The following CDH13 variants were observed in gnomAD, a reference collection of about 807,000 sequenced individuals.
CDH13 encodes the protein cadherin 13.
CDH13 carries 24 observed loss-of-function variants against 63.8 expected under a neutral mutation model. The observed-to-expected ratio is 0.38, with a 90% confidence interval of 0.27 to 0.53. The LOEUF (loss-of-function observed/expected upper bound fraction) is 0.53. Ranked by LOEUF, CDH13 falls within the 20% of genes least tolerant of loss-of-function variation. The pLI, the probability that CDH13 is intolerant of heterozygous loss-of-function variation, is 0.85. For missense variants in CDH13, 1,049 were observed against 903.1 expected, an observed-to-expected ratio of 1.16 and a Z score of -2.07; for synonymous variants, 503 against 355.3, an observed-to-expected ratio of 1.42 and a Z score of -4.67.
At chr16:83,450,385 C>T (rs148202428) in intron 6 of CDH13, among the ~76,000 whole-genome samples, 1 of 152,148 alleles carries the variant, frequency 6.6e-6, no homozygotes, top group Non-Finnish European at 1.5e-5. Flanking sequence ...ACTCTGTTTG[C>T]TCCTCTGAAA....
chr16:82,837,272 T>C (rs1567585341), intron 1 of CDH13, among the ~76,000 whole-genome samples: 1 of 152,120 alleles, frequency 6.6e-6, no homozygotes, highest in Admixed American at 6.5e-5. Flanking sequence ...GTGGTGAGCA[T>C]GGGGAGAGCT....
In CDH13 at chr16:82,861,078, C is replaced by T. The variant is rs144799674; in HGVS notation, c.157+2605C>T. Among the ~76,000 whole-genome samples, 12 of 152,190 alleles carry T rather than the reference C, an allele frequency of 7.9e-5. No homozygotes were observed. In the South Asian group the frequency reaches 1.0e-3, roughly 13 times the overall value. ...CACAAGGCTAAATCTGAATGAAAAA[C>T]GAAAAGAACCAAACAGAACCAGAAA... On this transcript the variant is annotated intron_variant, in intron 2 of 13. Coordinates refer to ENST00000567109, the MANE Select transcript of CDH13 (RefSeq NM_001257.5).
At chr16:82,693,978 G>A (rs1017617925) in intron 1 of CDH13, among the ~76,000 whole-genome samples, 9 of 152,244 alleles carry the variant, frequency 5.9e-5, no homozygotes, top group East Asian at 1.9e-4. Flanking sequence ...TATTTGCTGC[G>A]TACATGGTCC....
chr16:83,117,509 C>T (rs1404858337), intron 3 of CDH13, among the ~76,000 whole-genome samples: 1 of 152,042 alleles, frequency 6.6e-6, no homozygotes, highest in Non-Finnish European at 1.5e-5. Context: ...TCTCTTGAGC[C>T]ATATGTGTTC....
chr16:83,394,683 A>T (rs1254447677), intron 6 of CDH13, among the ~76,000 whole-genome samples: 3 of 152,288 alleles, frequency 2.0e-5, no homozygotes, highest in South Asian at 4.1e-4. Context: ...GAAGAGATCA[A>T]AGTGGATGAG....
At chr16:83,279,139 G>A (rs950697124) in intron 5 of CDH13, among the ~76,000 whole-genome samples, 1 of 151,732 alleles carries the variant, frequency 6.6e-6, no homozygotes, top group Non-Finnish European at 1.5e-5. Flanking sequence ...TTAGTCACAG[G>A]AAATAGTTTT....
At position 83,079,956 on chromosome 16, in the gene CDH13, T is replaced by C. The variant is rs566591295; in HGVS notation, c.367-45429T>C. 4.3e-4 allele frequency among the ~76,000 whole-genome samples: 65 copies of C among 152,334 alleles called. 1 individual carries two copies. The highest frequency in any genetic ancestry group is 1.5e-3 in the African/African-American group (61 of 41,562). Reference sequence around the variant, plus strand: ...AACTGGATAAAGTTGAGTCGCACATTTCAGTAGCTAGAATGCTTTTTAAAA... The same window carrying C: ...AACTGGATAAAGTTGAGTCGCACATCTCAGTAGCTAGAATGCTTTTTAAAA... On this transcript the variant is annotated intron_variant, in intron 3 of 13. Transcript: ENST00000567109.
intron 10 of CDH13, among the ~76,000 whole-genome samples, chr16:83,707,925 C>G (rs7190023): frequency 0.34 from 50,652 of 150,536 alleles, 8,746 homozygotes; most frequent in Non-Finnish European, 0.36. Context: ...CCTAATGACA[C>G]CTTCTCTTTG....
chr16:83,299,707 C>G (rs1166213988), intron 5 of CDH13, among the ~76,000 whole-genome samples: 1 of 152,204 alleles, frequency 6.6e-6, no homozygotes, highest in Non-Finnish European at 1.5e-5. Context: ...AAAAGGCTAA[C>G]TTGGAAAATG....
At chr16:83,596,676 C>G (rs1182746784) in intron 7 of CDH13, among the ~76,000 whole-genome samples, 1 of 152,088 alleles carries the variant, frequency 6.6e-6, no homozygotes, top group Non-Finnish European at 1.5e-5. Flanking sequence ...CTGGAAAAGG[C>G]TCTGAGGATC....
At chr16:82,940,309 C>A (rs1293921515) in intron 2 of CDH13, among the ~76,000 whole-genome samples, 1 of 152,102 alleles carries the variant, frequency 6.6e-6, no homozygotes, top group Non-Finnish European at 1.5e-5. Context: ...CTCAGTTTTT[C>A]CACCTGTAAA....
At chr16:83,791,118 G>C (rs1027128334) in intron 13 of CDH13, among the ~76,000 whole-genome samples, 1 of 151,714 alleles carries the variant, frequency 6.6e-6, no homozygotes, top group Admixed American at 6.6e-5. Flanking sequence ...GGGAGTTTGA[G>C]ACCAGCCTAG....
At chr16:83,339,217 A>G (rs894339492) in intron 5 of CDH13, among the ~76,000 whole-genome samples, 2 of 152,190 alleles carry the variant, frequency 1.3e-5, no homozygotes, top group African/African-American at 2.4e-5. Flanking sequence ...TTTGAGGAAG[A>G]GAATGACTCA....
intron 5 of CDH13, among the ~76,000 whole-genome samples, chr16:83,332,067 A>G (rs544848036): frequency 6.3e-4 from 96 of 152,280 alleles, no homozygotes; most frequent in Non-Finnish European, 1.2e-3. Flanking sequence ...TTATTTCCTC[A>G]TAAGTCTGTC....
chr16:83,132,441 CA>C (rs2036094591), intron 4 of CDH13, among the ~76,000 whole-genome samples: 5 of 98,576 alleles, frequency 5.1e-5, no homozygotes, highest in African/African-American at 1.6e-4. Flanking sequence ...ACCCACCCCC[CA>C]ACACCCCCCC....
rs373357499 is a variant in CDH13, at chr16:82,852,832, T to G, written c.46-5530T>G. 4.6e-5 allele frequency among the ~76,000 whole-genome samples: 7 copies of G among 152,262 alleles called. No homozygotes were observed. In the South Asian group the frequency reaches 1.5e-3, roughly 32 times the overall value. On this transcript the variant is annotated intron_variant, in intron 1 of 13. Transcript: ENST00000567109. ...TGATGACAGACTTCTCTGGCTAAACTAACCACATCTGCTGGCCACATCCAT... is the reference window on the plus strand; with the variant it reads ...TGATGACAGACTTCTCTGGCTAAACGAACCACATCTGCTGGCCACATCCAT...
At chr16:83,742,752 G>C (rs963269170) in intron 10 of CDH13, among the ~76,000 whole-genome samples, 2 of 152,160 alleles carry the variant, frequency 1.3e-5, no homozygotes, top group African/African-American at 2.4e-5. Context: ...TCTCCACCCA[G>C]CTCTTAGTTC....
chr16:83,730,362 C>T (rs1910904227), intron 10 of CDH13, among the ~76,000 whole-genome samples: 2 of 152,132 alleles, frequency 1.3e-5, no homozygotes, highest in African/African-American at 4.8e-5. Context: ...GGAATGTGCT[C>T]CCTATAGCTA....
intron 3 of CDH13, among the ~76,000 whole-genome samples, chr16:83,062,325 A>G (rs571586404): frequency 6.6e-6 from 1 of 152,266 alleles, no homozygotes; most frequent in Non-Finnish European, 1.5e-5. Flanking sequence ...ACATTTTTAA[A>G]AGCGTTGTTT....
Sources: gnomAD v4.1 joint callset for allele counts (sites outside exome capture counted in the v4.1 genomes callset) on GRCh38, gnomAD v4.1.1 for gene constraint, MANE v1.5 for transcripts, NCBI Gene and HGNC (gene_info 2026-07-23, HGNC 2026-07-21) for gene names.